CAP2: variants seen among roughly 807,000 people sequenced by gnomAD.
CAP2 encodes the protein adenylyl cyclase-associated protein 2.
Under a neutral mutation model 57.7 loss-of-function variants are expected in CAP2, and 24 were observed. The observed-to-expected ratio is 0.42, with a 90% CI of 0.30 to 0.58. The LOEUF is 0.58. Among genes scored for constraint, CAP2 ranks in the 20% least tolerant of loss-of-function variants. The probability of loss-of-function intolerance (pLI) is 0.22; values close to 1 mark genes in which losing one functional copy is unlikely to be tolerated. For synonymous variants in CAP2, 194 were observed against 207.2 expected (o/e 0.94, Z 0.55); for missense variants, 501 against 590.3 (o/e 0.85, Z 1.57).
chr6:17,416,461 G>A (rs1022191670), intron 1 of CAP2, among the ~76,000 whole-genome samples: 12 of 152,162 alleles, frequency 7.9e-5, no homozygotes, highest in African/African-American at 2.2e-4. Context: ...AGTCATAACT[G>A]TGTTAACACT....
chr6:17,411,456 A>G (rs529468295), intron 1 of CAP2, among the ~76,000 whole-genome samples: 2 of 152,200 alleles, frequency 1.3e-5, no homozygotes, highest in South Asian at 4.2e-4. Flanking sequence ...AGCACTTTTT[A>G]TTATCTGTCT....
At chr6:17,539,047 T>A (rs2281815) in intron 7 of CAP2, among the ~76,000 whole-genome samples, 1 of 152,042 alleles carries the variant, frequency 6.6e-6, no homozygotes, top group Non-Finnish European at 1.5e-5. Context: ...ATCCTACTGA[T>A]GGGGCCACAC....
At chr6:17,487,298 C>T (rs1479670590) in intron 4 of CAP2, among the ~76,000 whole-genome samples, 4 of 152,058 alleles carry the variant, frequency 2.6e-5, no homozygotes, top group Admixed American at 6.6e-5. Flanking sequence ...TGGTGCTGTC[C>T]CCCTTTCCCT....
chr6:17,504,923 C>T (rs1421202560), intron 4 of CAP2, among the ~76,000 whole-genome samples: 1 of 152,122 alleles, frequency 6.6e-6, no homozygotes, highest in Non-Finnish European at 1.5e-5. Context: ...TCCTAAAATC[C>T]TGTTAATCTA....
In CAP2 at chr6:17,476,794, T is replaced by G. The variant is rs117034511; in HGVS notation, c.300+13721T>G. On this transcript the variant is annotated intron_variant, in intron 4 of 12. Coordinates refer to ENST00000229922, the MANE Select transcript of CAP2 (RefSeq NM_006366.3). ...GAGGGAGGGAGTTGTGAGCTGATCATGTGGCTATGCACCTTAGAACTTTTT... is the reference window on the plus strand; with the variant it reads ...GAGGGAGGGAGTTGTGAGCTGATCAGGTGGCTATGCACCTTAGAACTTTTT... Among the ~76,000 whole-genome samples the G allele has an allele frequency of 5.5e-4, 83 of 151,800 alleles. No homozygotes were observed. The East Asian group carries it at 0.015, about 27-fold the overall frequency.
At chr6:17,551,382 G>C in intron 11 of CAP2, 82 bp from the exon 12 acceptor site, 1 of 1,175,358 alleles carries the variant, frequency 8.5e-7, no homozygotes, top group Middle Eastern at 2.1e-4. Context: ...CTAAAGCCAA[G>C]AGGAATTGAG....
intron 3 of CAP2, among the ~76,000 whole-genome samples, chr6:17,439,600 C>T (rs955403279): frequency 4.0e-5 from 6 of 151,504 alleles, no homozygotes; most frequent in Admixed American, 2.6e-4. Flanking sequence ...GCTTATTTTC[C>T]TGCAACTAGA....
At chr6:17,417,286 T>C (rs1383518973) in intron 1 of CAP2, among the ~76,000 whole-genome samples, 2 of 151,464 alleles carry the variant, frequency 1.3e-5, no homozygotes, top group African/African-American at 4.9e-5. Context: ...TTTTTTTTTT[T>C]TTTTTCTGAG....
At chr6:17,542,069 C>G (rs1762915931) in intron 9 of CAP2, among the ~76,000 whole-genome samples, 1 of 152,146 alleles carries the variant, frequency 6.6e-6, no homozygotes, top group African/African-American at 2.4e-5. Context: ...AAAATCTGTA[C>G]CCTTAACCAA....
intron 4 of CAP2, among the ~76,000 whole-genome samples, chr6:17,496,604 G>A (rs1349471738): frequency 6.6e-6 from 1 of 152,106 alleles, no homozygotes; most frequent in Non-Finnish European, 1.5e-5. Context: ...GAGAATACAG[G>A]TGTGAGCCGC....
At chr6:17,530,467 G>C (rs1237163530) in intron 7 of CAP2, among the ~76,000 whole-genome samples, 2 of 152,128 alleles carry the variant, frequency 1.3e-5, no homozygotes, top group Non-Finnish European at 2.9e-5. Flanking sequence ...GGTAAGCCGG[G>C]TGGTTATTGG....
chr6:17,511,232 C>T (rs1050473976), intron 6 of CAP2, among the ~76,000 whole-genome samples: 1 of 152,086 alleles, frequency 6.6e-6, no homozygotes, highest in African/African-American at 2.4e-5. Context: ...GCAGCATACT[C>T]CACACCATGC....
At chr6:17,548,373 AAAAG>A (rs528872186) in intron 11 of CAP2, among the ~76,000 whole-genome samples, 75 of 152,162 alleles carry the variant, frequency 4.9e-4, no homozygotes, top group African/African-American at 1.2e-3. Context: ...CTCAAAAAAA[AAAAG>A]AAAGAAAGAA....
chr6:17,433,643 G>A (rs1343442301), intron 3 of CAP2, among the ~76,000 whole-genome samples: 4 of 152,140 alleles, frequency 2.6e-5, no homozygotes, highest in Non-Finnish European at 4.4e-5. Context: ...GCGTGGGCTC[G>A]GCCTGATCAT....
intron 4 of CAP2, among the ~76,000 whole-genome samples, chr6:17,490,340 G>T (rs764941145): frequency 4.3e-4 from 66 of 152,178 alleles, no homozygotes; most frequent in Admixed American, 2.0e-4. Context: ...GATTCTATGT[G>T]CAGTTGCAAC....
chr6:17,450,052 T>C (rs986339598), intron 3 of CAP2, among the ~76,000 whole-genome samples: 8 of 151,646 alleles, frequency 5.3e-5, no homozygotes, highest in Admixed American at 2.0e-4. Flanking sequence ...TTATCAGTTC[T>C]ACCTTTTTTT....
intron 6 of CAP2, among the ~76,000 whole-genome samples, chr6:17,510,278 G>A (rs1762112071): frequency 1.3e-5 from 2 of 152,052 alleles, no homozygotes; most frequent in Admixed American, 1.3e-4. Context: ...CTAAACTATG[G>A]AATTGCACAC....
In CAP2 at chr6:17,409,371, C is replaced by CA. The variant is rs200724749; in HGVS notation, c.-1-12175dup. ...TGGGTGACAGAGTGAGACTCTGTCT[C>CA]AAAAAAAAAGGAAGTGTGGTGTGTG... On this transcript the variant is annotated intron_variant, in intron 1 of 12. Transcript: ENST00000229922. Among the ~76,000 whole-genome samples the CA allele has an allele frequency of 4.5e-3, 667 of 147,990 alleles. 12 individuals carry two copies. In the South Asian group the frequency reaches 0.058, roughly 13 times the overall value.
chr6:17,480,743 G>T (rs1415214936), intron 4 of CAP2, among the ~76,000 whole-genome samples: 1 of 150,758 alleles, frequency 6.6e-6, no homozygotes, highest in African/African-American at 2.4e-5. Context: ...CATCTGCCAA[G>T]ATGACTTGGT....
Sources: allele counts gnomAD v4.1 joint callset (sites outside exome capture counted in the v4.1 genomes callset), GRCh38; gene constraint gnomAD v4.1.1; transcripts MANE v1.5; gene names NCBI Gene and HGNC (gene_info 2026-07-23, HGNC 2026-07-21).